The following MED13 variants were observed in gnomAD, a reference collection of about 807,000 sequenced individuals.
MED13 encodes mediator of RNA polymerase II transcription subunit 13.
A neutral mutation model predicts 225.2 loss-of-function variants in MED13; 23 were observed. That is an observed-to-expected ratio of 0.10 (90% confidence interval 0.07 to 0.14). The LOEUF is 0.14. MED13 is among the 10% of genes least tolerant of loss of function. MED13 has a pLI of 1.00. For synonymous variants in MED13, 942 were observed against 889.2 expected (o/e 1.06, Z -1.06); for missense variants, 2,197 against 2,594.5 (o/e 0.85, Z 3.33).
At position 62,031,647 on chromosome 17, in the gene MED13, A is replaced by G. The variant is rs1245100112; in HGVS notation, c.815-9T>C. ...GATCATTCGGACACCAGCTGAAAGG[A>G]AAAAAATGGGACAGGAAAACCAATT... On this transcript the variant is annotated splice_polypyrimidine_tract_variant and intron_variant, in intron 5 of 29. Coordinates refer to ENST00000397786, the MANE Select transcript of MED13 (RefSeq NM_005121.3). The G allele has an allele frequency of 2.0e-6, 3 of 1,516,386 alleles. No individual in the cohort carries two copies. The highest frequency in any genetic ancestry group is 2.7e-6 in the Non-Finnish European group (3 of 1,128,728). 93.9% of individuals were successfully genotyped at this position (1,516,386 alleles called of 1,614,324 possible).
At chr17:62,051,574 G>C (rs1031461053) in intron 3 of MED13, among the ~76,000 whole-genome samples, 6 of 151,982 alleles carry the variant, frequency 3.9e-5, no homozygotes, top group African/African-American at 9.7e-5. Context: ...AAAAATGAAA[G>C]CACCTTTATT....
chr17:62,012,921 T>C (rs759433887), intron 8 of MED13, among the ~76,000 whole-genome samples: 4 of 152,016 alleles, frequency 2.6e-5, no homozygotes, highest in Middle Eastern at 3.4e-3. Context: ...GCCTCCCAAG[T>C]AGCTGGAACT....
chr17:61,974,285 T>C (rs1182525075), intron 16 of MED13, among the ~76,000 whole-genome samples: 1 of 151,958 alleles, frequency 6.6e-6, no homozygotes. Flanking sequence ...ACGCCTGTGG[T>C]CCCAGCTACT....
intron 3 of MED13, among the ~76,000 whole-genome samples, chr17:62,043,454 T>C (rs1237662243): frequency 6.6e-6 from 1 of 152,108 alleles, no homozygotes. Flanking sequence ...TACACCTAAT[T>C]TAGCAGAGAG....
In MED13 at chr17:61,965,455, A is replaced by T; in HGVS notation, c.4395T>A (p.Ala1465=). ...VCRYDLGPYL[A]SLPLDSSLLS... ...GTAGAGAGCTGTCCAATGGCAGGGA[A>T]GCAAGATAAGGACCTAAAGAATAAA... is the stretch of plus-strand genomic sequence containing the variant. The change falls in exon 20 of 30, where the codon GCT becomes GCA. Residue 1465 remains alanine, a synonymous_variant. Coordinates refer to ENST00000397786, the MANE Select transcript of MED13 (RefSeq NM_005121.3). 6.2e-7 allele frequency: 1 copy of T among 1,613,264 alleles called. No individual in the cohort carries two copies. The highest frequency in any genetic ancestry group is 8.5e-7 in the Non-Finnish European group (1 of 1,179,434).
At chr17:62,063,445 G>A (rs1319692321) in intron 1 of MED13, 144 bp from the exon 2 acceptor site, 1 of 566,234 alleles carries the variant, frequency 1.8e-6, no homozygotes, top group Non-Finnish European at 3.0e-6. Context: ...AACAAAAAAA[G>A]ACTTTATAAT....
chr17:62,054,001 A>T (rs974800171), intron 2 of MED13, among the ~76,000 whole-genome samples: 38 of 152,040 alleles, frequency 2.5e-4, no homozygotes, highest in Admixed American at 4.6e-4. Flanking sequence ...ATTTTTTTTT[A>T]AATTTTATTT....
chr17:61,994,793 T>A (rs1171249977), intron 10 of MED13, among the ~76,000 whole-genome samples: 1 of 152,254 alleles, frequency 6.6e-6, no homozygotes, highest in East Asian at 1.9e-4. Flanking sequence ...CACTGCAACC[T>A]CTGCCTCCTG....
chr17:62,038,785 TC>T (rs1042378375), intron 3 of MED13, among the ~76,000 whole-genome samples: 40 of 152,128 alleles, frequency 2.6e-4, no homozygotes, highest in Non-Finnish European at 5.3e-4. Context: ...CATCTCACCC[TC>T]TTGAGTAGCT....
At chr17:61,976,952 AAC>A (rs1350796834) in intron 16 of MED13, among the ~76,000 whole-genome samples, 1 of 152,192 alleles carries the variant, frequency 6.6e-6, no homozygotes, top group Non-Finnish European at 1.5e-5. Context: ...AAACAAAAAA[AAC>A]AGAAAAAATA....
intron 3 of MED13, among the ~76,000 whole-genome samples, chr17:62,050,192 T>C (rs531339724): frequency 3.3e-5 from 5 of 151,588 alleles, no homozygotes; most frequent in South Asian, 4.2e-4. Context: ...AACCTGTCTC[T>C]ACTAAAAACA....
At chr17:61,948,180 T>C (rs1179994786) in intron 28 of MED13, among the ~76,000 whole-genome samples, 1 of 152,148 alleles carries the variant, frequency 6.6e-6, no homozygotes, top group Non-Finnish European at 1.5e-5. Context: ...CAGGTGGCTT[T>C]ACTGCCTACA....
At position 61,972,839 on chromosome 17, in the gene MED13, A is replaced by G. The variant is rs200216730; in HGVS notation, c.3855T>C (p.Leu1285=). 29 of 1,614,040 alleles carry G rather than the reference A, an allele frequency of 1.8e-5. No individual in the cohort carries two copies. In the Admixed American group the frequency reaches 2.2e-4, roughly 12 times the overall value. ...GAATGGCATCCTGAAGAACTGGCTG[A>G]AGAGAGAGGAGCATTCGAAGTATAT... ...SQDILRMLLS[L]QPVLQDAIQK... The change falls in exon 17 of 30, where the codon CTT becomes CTC. Residue 1285 remains leucine (L), a synonymous_variant. Transcript: ENST00000397786.
At chr17:62,021,961 G>A (rs1301826748) in intron 8 of MED13, among the ~76,000 whole-genome samples, 1 of 152,068 alleles carries the variant, frequency 6.6e-6, no homozygotes. Context: ...GAGGTCAGGA[G>A]TTTGAGACCA....
chr17:61,945,807 T>G lies in MED13; in HGVS notation c.*661A>C, dbSNP rs942016546. 6.6e-6 allele frequency: 1 copy of G among 152,580 alleles called. No homozygotes were observed. Among genetic ancestry groups the G allele is most frequent in the South Asian group, 2.1e-4 (1 of 4,830 alleles). The allele number at this position is 152,580 out of a possible 1,614,324, so 9.5% of individuals were successfully genotyped here. A position where few individuals can be genotyped will look rare whatever the true frequency, so the allele number is the denominator to read the frequency against. On this transcript the variant is annotated 3_prime_UTR_variant, in exon 30 of 30. Coordinates refer to ENST00000397786, the MANE Select transcript of MED13 (RefSeq NM_005121.3). The stretch of plus-strand genomic sequence containing the variant: ...TATTCCCCCTCTATCCCCGTTAAAC[T>G]GTACATCGAGACAATACAAATTTAC...
At position 61,962,941 on chromosome 17, in the gene MED13, G is replaced by A. The variant is rs1166929093; in HGVS notation, c.4875C>T (p.Pro1625=). Residue 1625 remains proline, a synonymous_variant, in exon 21 of 30, where the codon CCC becomes CCT. Coordinates refer to ENST00000397786, the MANE Select transcript of MED13 (RefSeq NM_005121.3). ...STMDRDKVGI[P]TDGDSHAVTY... ...TGACTGCATGTGAATCACCATCTGT[G>A]GGGATTCCCACTTTATCCCGATCCA... 6.2e-7 allele frequency: 1 copy of A among 1,614,006 alleles called. No individual in the cohort carries two copies. Among genetic ancestry groups the A allele is most frequent in the Non-Finnish European group, 8.5e-7 (1 of 1,180,002 alleles).
At chr17:61,954,090 T>C (rs906120347) in intron 26 of MED13, among the ~76,000 whole-genome samples, 1 of 152,210 alleles carries the variant, frequency 6.6e-6, no homozygotes, top group Non-Finnish European at 1.5e-5. Flanking sequence ...ACTGTACCCA[T>C]GGGCAACTGA....
At chr17:62,000,498 T>A (rs1279011115) in intron 9 of MED13, among the ~76,000 whole-genome samples, 1 of 152,170 alleles carries the variant, frequency 6.6e-6, no homozygotes, top group Non-Finnish European at 1.5e-5. Context: ...TACAAAAAGA[T>A]GAAAAGCCTA....
chr17:61,980,225 A>G (rs2080192436), intron 16 of MED13, among the ~76,000 whole-genome samples: 4 of 151,888 alleles, frequency 2.6e-5, no homozygotes. Flanking sequence ...CCTATACCTG[A>G]TTTCTAGGAT....
Sources: allele counts gnomAD v4.1 joint callset (sites outside exome capture counted in the v4.1 genomes callset), GRCh38; gene constraint gnomAD v4.1.1; transcripts MANE v1.5; gene names NCBI Gene and HGNC (gene_info 2026-07-23, HGNC 2026-07-21).